LRRIQ1: variants seen among roughly 807,000 people sequenced by gnomAD.
LRRIQ1 encodes leucine-rich repeat- and IQ domain-containing protein 1.
LRRIQ1 carries 210 observed loss-of-function variants against 211.9 expected under a neutral mutation model. The ratio of observed to expected loss-of-function variants is 0.99; its 90% CI spans 0.89 to 1.11. LRRIQ1 has a LOEUF of 1.11. Among genes scored for constraint, LRRIQ1 ranks in the 50% most tolerant of loss-of-function variants. The pLI, the probability that LRRIQ1 is intolerant of heterozygous loss-of-function variation, is 0.00. For synonymous variants in LRRIQ1, 699 were observed against 650.1 expected (o/e 1.08, Z -1.14); for missense variants, 2,136 against 1,939.5 (o/e 1.10, Z -1.90).
intron 8 of LRRIQ1, among the ~76,000 whole-genome samples, chr12:85,062,478 G>T (rs2136035926): frequency 6.6e-6 from 1 of 151,754 alleles, no homozygotes; most frequent in African/African-American, 2.4e-5. Flanking sequence ...GTGTTAGTTG[G>T]CTTGGGATAG....
At chr12:85,249,774 A>G (rs1208220165), downstream of LRRIQ1, among the ~76,000 whole-genome samples, 1 of 151,892 alleles carries the variant, frequency 6.6e-6, no homozygotes, top group Non-Finnish European at 1.5e-5. Context: ...TTCTTTATAA[A>G]CTGTATGTAT....
chr12:85,161,531 T>A (rs1325326056), intron 24 of LRRIQ1, among the ~76,000 whole-genome samples: 1 of 152,130 alleles, frequency 6.6e-6, no homozygotes, highest in Non-Finnish European at 1.5e-5. Context: ...CCTATGAACA[T>A]TTTCAATATT....
chr12:85,059,130 G>A (rs538630250), intron 8 of LRRIQ1, among the ~76,000 whole-genome samples: 68 of 151,936 alleles, frequency 4.5e-4, no homozygotes, highest in African/African-American at 1.5e-3. Flanking sequence ...TTGACTTTCT[G>A]ATCTTTTAGC....
intron 24 of LRRIQ1, among the ~76,000 whole-genome samples, chr12:85,214,421 G>T (rs1053385854): frequency 6.6e-6 from 1 of 152,064 alleles, no homozygotes; most frequent in African/African-American, 2.4e-5. Flanking sequence ...TAAAGTGGAA[G>T]AATTCACCAT....
At chr12:85,260,649 A>G (rs1277905219) in intron 1 of LRRIQ1, among the ~76,000 whole-genome samples, 1 of 152,058 alleles carries the variant, frequency 6.6e-6, no homozygotes, top group East Asian at 1.9e-4. Context: ...CATTCTCCCT[A>G]TTTAATGTAT....
chr12:85,210,316 T>C (rs1893778658), intron 24 of LRRIQ1, among the ~76,000 whole-genome samples: 1 of 120,784 alleles, frequency 8.3e-6, no homozygotes, highest in African/African-American at 5.0e-5. Flanking sequence ...TTGTGATCAT[T>C]TACAGCATAT....
intron 19 of LRRIQ1, among the ~76,000 whole-genome samples, chr12:85,146,820 T>C (rs564063341): frequency 2.6e-5 from 4 of 151,756 alleles, no homozygotes; most frequent in African/African-American, 7.2e-5. Flanking sequence ...TTGGCCAGGC[T>C]GTACCTTGTT....
chr12:85,155,587 G>A (rs1249860104), intron 23 of LRRIQ1, among the ~76,000 whole-genome samples: 2 of 151,462 alleles, frequency 1.3e-5, no homozygotes, highest in Non-Finnish European at 3.0e-5. Context: ...AAACTCCTGG[G>A]GCAAGTTCAA....
intron 24 of LRRIQ1, among the ~76,000 whole-genome samples, chr12:85,217,498 ATATATATATATGTGTGTGTGTGTG>A (rs1347427257): frequency 8.7e-5 from 7 of 80,146 alleles, no homozygotes; most frequent in African/African-American, 6.5e-4. Context: ...ATATGTATAT[ATATATATATATGTGTGTGTGTGTG>A]TGTGTGTGTG....
intron 19 of LRRIQ1, among the ~76,000 whole-genome samples, chr12:85,151,832 G>T (rs931953072): frequency 1.3e-5 from 2 of 151,458 alleles, no homozygotes; most frequent in Non-Finnish European, 3.0e-5. Flanking sequence ...CAGAAAATTT[G>T]TGAAAATAAA....
At chr12:85,216,008 G>A (rs1894060424) in intron 24 of LRRIQ1, among the ~76,000 whole-genome samples, 1 of 152,156 alleles carries the variant, frequency 6.6e-6, no homozygotes, top group Non-Finnish European at 1.5e-5. Context: ...TTGCCCTTAA[G>A]AGAAGCAAGA....
At chr12:85,150,154 G>A (rs777499206) in intron 19 of LRRIQ1, among the ~76,000 whole-genome samples, 3 of 151,744 alleles carry the variant, frequency 2.0e-5, no homozygotes, top group Non-Finnish European at 4.4e-5. Context: ...GTAAGAGTCA[G>A]GCAACTTGCC....
chr12:85,134,524 T>C (rs1382333075), intron 18 of LRRIQ1, among the ~76,000 whole-genome samples: 3 of 152,062 alleles, frequency 2.0e-5, no homozygotes, highest in Non-Finnish European at 4.4e-5. Flanking sequence ...CAGTAAATTT[T>C]GAAAACCATG....
intron 3 of LRRIQ1, among the ~76,000 whole-genome samples, chr12:85,044,417 G>A (rs748960840): frequency 7.2e-5 from 11 of 151,968 alleles, no homozygotes; most frequent in Non-Finnish European, 7.4e-5. Context: ...TCAAGATGCC[G>A]TTGCAATATC....
intron 19 of LRRIQ1, among the ~76,000 whole-genome samples, chr12:85,150,679 C>A (rs898442151): frequency 6.6e-6 from 1 of 151,566 alleles, no homozygotes; most frequent in African/African-American, 2.4e-5. Flanking sequence ...TTCTAGATTG[C>A]CATTTTCAAC....
chr12:85,168,879 A>G (rs1349258743), intron 24 of LRRIQ1, among the ~76,000 whole-genome samples: 1 of 152,098 alleles, frequency 6.6e-6, no homozygotes, highest in African/African-American at 2.4e-5. Flanking sequence ...CCACTGCCAC[A>G]CTTCTTTAGT....
Position 85,263,621 on chromosome 12 carries a change from G to C in LRRIQ1, c.*561G>C, listed in dbSNP as rs1392549910. ...TGTATAGTCAGTTTAAATTAAAATA[G>C]AAATTTAAGTAATTACCAATTGGAT... On this transcript the variant is annotated 3_prime_UTR_variant, in exon 2 of 2. Transcript: ENST00000602731. The C allele has an allele frequency of 2.6e-5, 4 of 151,850 alleles. No individual in the cohort carries two copies. The East Asian group carries it at 7.7e-4, about 29-fold the overall frequency. 9.4% of individuals were successfully genotyped at this position (151,850 alleles called of 1,614,324 possible). A position where few individuals can be genotyped will look rare whatever the true frequency, so the allele number is the denominator to read the frequency against.
intron 19 of LRRIQ1, among the ~76,000 whole-genome samples, chr12:85,142,969 C>A (rs1889647043): frequency 6.6e-6 from 1 of 151,480 alleles, no homozygotes; most frequent in Non-Finnish European, 1.5e-5. Context: ...TTTTGGTATA[C>A]CTAGTAGTGG....
chr12:85,170,575 G>A (rs904423337), intron 24 of LRRIQ1, among the ~76,000 whole-genome samples: 1 of 150,956 alleles, frequency 6.6e-6, no homozygotes, highest in Admixed American at 6.6e-5. Flanking sequence ...TGAGAGATAT[G>A]TATATGGTTA....
Sources: gnomAD v4.1 joint callset for allele counts (sites outside exome capture counted in the v4.1 genomes callset) on GRCh38, gnomAD v4.1.1 for gene constraint, MANE v1.5 for transcripts, NCBI Gene and HGNC (gene_info 2026-07-23, HGNC 2026-07-21) for gene names.